Variants in MMP27 observed in about 807,000 individuals in gnomAD.
The protein encoded by MMP27 is matrix metallopeptidase 27.
Under a neutral mutation model 48.1 loss-of-function variants are expected in MMP27, and 51 were observed. That is an observed-to-expected ratio of 1.06 (90% CI 0.85 to 1.34). The LOEUF (loss-of-function observed/expected upper bound fraction) is 1.34, where lower values mean the gene tolerates loss of function less well. Ranked by LOEUF, MMP27 falls within the 40% of genes most tolerant of loss-of-function variation. MMP27 has a pLI of 0.00. For synonymous variants in MMP27, 229 were observed against 208.9 expected (o/e 1.10, Z -0.83); for missense variants, 698 against 619.3 (o/e 1.13, Z -1.35).
chr11:102,703,177 A>G (rs1487616956), intron 2 of MMP27, 59 bp from the exon 3 acceptor site: 13 of 1,486,728 alleles, frequency 8.7e-6, no homozygotes, highest in Middle Eastern at 1.8e-4. Context: ...ATATACACAC[A>G]TAACTACAAA....
At chr11:102,701,312 A>G (rs1396861247) in intron 4 of MMP27, among the ~76,000 whole-genome samples, 1 of 152,074 alleles carries the variant, frequency 6.6e-6, no homozygotes, top group Non-Finnish European at 1.5e-5. Context: ...AAAAAAAATA[A>G]CTTACCCCAC....
At chr11:102,692,741 A>G (rs535430040) in intron 9 of MMP27, among the ~76,000 whole-genome samples, 197 bp downstream of exon 9, 1 of 152,324 alleles carries the variant, frequency 6.6e-6, no homozygotes, top group African/African-American at 2.4e-5. Flanking sequence ...TAGATTTGAG[A>G]TAGTATAACA....
At chr11:102,692,147 T>G in intron 9 of MMP27, 137 bp from the exon 10 acceptor site, 1 of 739,100 alleles carries the variant, frequency 1.4e-6, no homozygotes. Flanking sequence ...ACATTTTAGT[T>G]TTCTACTGTC....
At chr11:102,695,507 C>T (rs1860807953) in intron 6 of MMP27, among the ~76,000 whole-genome samples, 1 of 152,168 alleles carries the variant, frequency 6.6e-6, no homozygotes, top group African/African-American at 2.4e-5. Context: ...TTCAGAATTT[C>T]CCTTCTGGCT....
chr11:102,691,935 C>T lies in MMP27; in HGVS notation c.1373G>A (p.Arg458Lys), dbSNP rs200981413. 3.1e-6 allele frequency: 5 copies of T among 1,613,304 alleles called. No individual in the cohort carries two copies. The highest frequency in any genetic ancestry group is 4.2e-6 in the Non-Finnish European group (5 of 1,179,718). The change falls in exon 10 of 10, where the codon AGA becomes AAA. Residue 458 changes from arginine to lysine, a missense_variant. By Grantham distance (26) the Arg-to-Lys change is conservative. Coordinates refer to ENST00000260229, the MANE Select transcript of MMP27 (RefSeq NM_022122.3). Reference sequence around the variant, plus strand: ...TTTGCATTGAAACCAAGTATTAGTTCTCATGATTCGGGTAATATTCTTTGT... The same window carrying T: ...TTTGCATTGAAACCAAGTATTAGTTTTCATGATTCGGGTAATATTCTTTGT... Reference protein sequence around the residue: ...IKTKNITRIMRTNTWFQCKEP... With the variant: ...IKTKNITRIMKTNTWFQCKEP...
At chr11:102,705,477 C>A in intron 1 of MMP27, 136 bp downstream of exon 1, 3 of 567,364 alleles carry the variant, frequency 5.3e-6, no homozygotes, top group East Asian at 3.3e-5. Context: ...CAGAGATAGA[C>A]AAATGAAAAG....
At chr11:102,696,958 T>A in intron 4 of MMP27, 123 bp from the exon 5 acceptor site, 1 of 968,066 alleles carries the variant, frequency 1.0e-6, no homozygotes, top group Non-Finnish European at 1.5e-6. Flanking sequence ...ATAATTCTCA[T>A]ATGTACCACC....
At chr11:102,692,569 C>A (rs11607205) in intron 9 of MMP27, among the ~76,000 whole-genome samples, 21,728 of 152,186 alleles carry the variant, frequency 0.14, 1,988 homozygotes, top group Non-Finnish European at 0.2. Flanking sequence ...AATTCTGCCT[C>A]AAATACTTTG....
intron 4 of MMP27, 151 bp from the exon 5 acceptor site, chr11:102,696,986 T>G: frequency 1.3e-6 from 1 of 772,422 alleles, no homozygotes; most frequent in Non-Finnish European, 2.0e-6. Flanking sequence ...TGGGAGGTAT[T>G]GCAATGCTAA....
chr11:102,704,336 G>T (rs1236403036), intron 2 of MMP27, among the ~76,000 whole-genome samples: 1 of 152,170 alleles, frequency 6.6e-6, no homozygotes, highest in Non-Finnish European at 1.5e-5. Context: ...ATAAACTTTT[G>T]TTTCAGTTTC....
chr11:102,691,787 T>C lies in MMP27; in HGVS notation c.1521A>G (p.Lys507=). 1.9e-6 allele frequency: 3 copies of C among 1,598,934 alleles called. No homozygotes were observed. The highest frequency in any genetic ancestry group is 2.6e-6 in the Non-Finnish European group (3 of 1,170,248). The change falls in exon 10 of 10, where the codon AAA becomes AAG. Residue 507 remains lysine (K), a synonymous_variant. Transcript: ENST00000260229. ...GAATTTATTGATAAATAGAAGTGTT[T>C]TTCAGCAAATGAACAATACCAAAAA... is the stretch of plus-strand genomic sequence containing the variant. ...LFIFGIVHLL[K]NTSIYQ
At chr11:102,699,564 G>A (rs192286286) in intron 4 of MMP27, among the ~76,000 whole-genome samples, 2 of 152,334 alleles carry the variant, frequency 1.3e-5, no homozygotes, top group Admixed American at 6.5e-5. Context: ...CAGCTTCCCT[G>A]ATGGAAATTT....
In MMP27 at chr11:102,705,601, T is replaced by A. The variant is rs1861033181; in HGVS notation, c.102+12A>T. 3.4e-6 allele frequency: 5 copies of A among 1,462,624 alleles called. No individual in the cohort carries two copies. In the East Asian group the frequency reaches 9.7e-5, roughly 28 times the overall value. The allele number at this position is 1,462,624 out of a possible 1,614,324, so 90.6% of individuals were successfully genotyped here. On this transcript the variant is annotated intron_variant, in intron 1 of 9. Coordinates refer to ENST00000260229, the MANE Select transcript of MMP27 (RefSeq NM_022122.3). Reference sequence around the variant, plus strand: ...TATCAATAGTCATCGATATCATTTATTAAGACAGTACCTGAGCCAGTTGCA... The same window carrying A: ...TATCAATAGTCATCGATATCATTTAATAAGACAGTACCTGAGCCAGTTGCA...
chr11:102,696,572 T>C, intron 5 of MMP27, 81 bp from the exon 6 acceptor site: 1 of 1,575,140 alleles, frequency 6.3e-7, no homozygotes, highest in Non-Finnish European at 8.6e-7. Context: ...CCTAAGTGGA[T>C]ATTTGCTTCA....
At chr11:102,692,671 C>T (rs1180669905) in intron 9 of MMP27, among the ~76,000 whole-genome samples, 1 of 152,112 alleles carries the variant, frequency 6.6e-6, no homozygotes, top group Non-Finnish European at 1.5e-5. Context: ...TCACTTCGCA[C>T]ACTTTAGGGG....
rs1489047759 is a variant in MMP27 at position 102,696,700 on chromosome 11, T to A, written c.755A>T (p.Asp252Val). Residue 252 changes from aspartate to valine, a missense_variant, in exon 5 of 10, where the codon GAT (aspartate) becomes GTT (valine). Transcript: ENST00000260229. Reference sequence around the variant, plus strand: ...ATAGATGGACTGGATTCCATTGATATCATCCTGAGAAAGTGGGTATTTTCT... The same window carrying A: ...ATAGATGGACTGGATTCCATTGATAACATCCTGAGAAAGTGGGTATTTTCT... ...DPRKYPLSQD[D>V]INGIQSIYGG... 4 of 1,613,624 alleles carry A rather than the reference T, an allele frequency of 2.5e-6. No homozygotes were observed. The highest frequency in any genetic ancestry group is 3.4e-6 in the Non-Finnish European group (4 of 1,179,806).
At chr11:102,704,363 T>C (rs1157088380) in intron 2 of MMP27, among the ~76,000 whole-genome samples, 174 bp downstream of exon 2, 1 of 152,168 alleles carries the variant, frequency 6.6e-6, no homozygotes, top group Non-Finnish European at 1.5e-5. Flanking sequence ...TTTAAGATGG[T>C]GGTAGCAGCA....
intron 4 of MMP27, 56 bp from the exon 5 acceptor site, chr11:102,696,891 G>T: frequency 6.4e-7 from 1 of 1,550,704 alleles, no homozygotes; most frequent in Non-Finnish European, 8.7e-7. Flanking sequence ...GAGAATGGCT[G>T]CATCTGAGAT....
Position 102,691,882 on chromosome 11 carries a change from CAAAA to C in MMP27, c.1422_1425del (p.Phe475IlefsTer12). Reference sequence around the variant, plus strand: ...GAATGTGCTTTTTCCTTGTTGATATCAAAACCAAATGAGGAGTTCTTTGGTTCTT... The same window carrying C: ...GAATGTGCTTTTTCCTTGTTGATATCCCAAATGAGGAGTTCTTTGGTTCTT... On this transcript the variant is annotated frameshift_variant, in exon 10 of 10. Coordinates refer to ENST00000260229, the MANE Select transcript of MMP27 (RefSeq NM_022122.3). LOFTEE classifies it low-confidence loss of function (END_TRUNC). The C allele has an allele frequency of 6.2e-7, 1 of 1,613,490 alleles. No homozygotes were observed. The highest frequency in any genetic ancestry group is 8.5e-7 in the Non-Finnish European group (1 of 1,179,710).
Sources: allele counts gnomAD v4.1 joint callset (sites outside exome capture counted in the v4.1 genomes callset), GRCh38; gene constraint gnomAD v4.1.1; transcripts MANE v1.5; gene names NCBI Gene and HGNC (gene_info 2026-07-23, HGNC 2026-07-21).